Variants in CACNA1H observed in about 807,000 individuals in gnomAD.
CACNA1H encodes voltage-dependent T-type calcium channel subunit alpha-1H.
A neutral mutation model predicts 192.5 loss-of-function variants in CACNA1H; 149 were observed. The ratio of observed to expected loss-of-function variants is 0.77; its 90% CI spans 0.68 to 0.89. The LOEUF is 0.89. Ranked by LOEUF, CACNA1H falls within the 40% of genes least tolerant of loss-of-function variation. The pLI is 0.00. For missense variants in CACNA1H, 4,257 were observed against 3,423.5 expected (o/e 1.24, Z -6.08); for synonymous variants, 2,202 against 1,475.2 (o/e 1.49, Z -11.29).
rs1308768187 is a variant in CACNA1H at position 1,200,823 on chromosome 16, C to T, written c.1212+15C>T. The T allele has an allele frequency of 1.9e-6, 3 of 1,545,580 alleles. No individual in the cohort carries two copies. Among genetic ancestry groups the T allele is most frequent in the Admixed American group, 2.0e-5 (1 of 51,006 alleles). On this transcript the variant is annotated intron_variant, in intron 8 of 34. Transcript: ENST00000348261. ...TGCTCATCATCGTGAGTGTGGGCGG[C>T]AGTGTTCGCCATGATGGGCCCTGGT... is the stretch of plus-strand genomic sequence containing the variant.
intron 2 of CACNA1H, among the ~76,000 whole-genome samples, chr16:1,160,980 A>G (rs919615991): frequency 1.3e-5 from 2 of 152,068 alleles, no homozygotes; most frequent in Non-Finnish European, 2.9e-5. Context: ...AGTTGAGAGC[A>G]GGGCTGGCAG....
At chr16:1,162,516 G>A (rs1366979480) in intron 2 of CACNA1H, among the ~76,000 whole-genome samples, 1 of 152,186 alleles carries the variant, frequency 6.6e-6, no homozygotes, top group East Asian at 1.9e-4. Context: ...AGAGAGAGAG[G>A]ACGCTTAGCC....
At position 1,167,990 on chromosome 16, in the gene CACNA1H, C is replaced by T. The variant is rs1963968388; in HGVS notation, c.299+13954C>T. Among the ~76,000 whole-genome samples the T allele has an allele frequency of 1.3e-5, 2 of 152,178 alleles. No individual in the cohort carries two copies. Among genetic ancestry groups the T allele is most frequent in the South Asian group, 4.1e-4 (2 of 4,834 alleles). On this transcript the variant is annotated intron_variant, in intron 2 of 34. Transcript: ENST00000348261. The surrounding 1 kb of genome is among the most constrained non-coding windows in gnomAD (Gnocchi z 4.2). ...GGAGGCGGCCGCTTGTCCCCAAGGCCTGGTGACCGCACCTCTGTCTGCCCT... is the reference window on the plus strand; with the variant it reads ...GGAGGCGGCCGCTTGTCCCCAAGGCTTGGTGACCGCACCTCTGTCTGCCCT...
chr16:1,175,906 C>A lies in CACNA1H; in HGVS notation c.300-19066C>A, dbSNP rs1964836595. On this transcript the variant is annotated intron_variant, in intron 2 of 34. Transcript: ENST00000348261. ...GGGCTGCCATTCCTCCTGCCCGGAC[C>A]CCCAGTGCAGGCTCTGCAACAGCCT... 2.0e-5 allele frequency among the ~76,000 whole-genome samples: 3 copies of A among 152,256 alleles called. No individual in the cohort carries two copies. The South Asian group carries it at 6.2e-4, about 32-fold the overall frequency.
At chr16:1,156,266 G>A (rs1451695199) in intron 2 of CACNA1H, among the ~76,000 whole-genome samples, 1 of 152,256 alleles carries the variant, frequency 6.6e-6, no homozygotes, top group Non-Finnish European at 1.5e-5. Context: ...CCCAAGCTTG[G>A]TTCATTCTTG....
chr16:1,183,268 G>A (rs887573931), intron 2 of CACNA1H, among the ~76,000 whole-genome samples: 7 of 152,124 alleles, frequency 4.6e-5, no homozygotes, highest in Admixed American at 3.3e-4. Flanking sequence ...ATGGCGCCGC[G>A]TTCCCCCAGT....
chr16:1,213,632 T>C, intron 26 of CACNA1H, 148 bp from the exon 27 acceptor site: 1 of 531,950 alleles, frequency 1.9e-6, no homozygotes, highest in Non-Finnish European at 3.2e-6. Context: ...AGCCCTGCCA[T>C]GAGGCAGGGC....
chr16:1,185,197 G>A (rs1221581478), intron 2 of CACNA1H, among the ~76,000 whole-genome samples: 2 of 152,098 alleles, frequency 1.3e-5, no homozygotes, highest in African/African-American at 4.8e-5. Context: ...TCCTTTTCAT[G>A]GCTGAGTAAT....
intron 5 of CACNA1H, among the ~76,000 whole-genome samples, chr16:1,198,367 G>C (rs1967249765): frequency 6.6e-6 from 1 of 152,168 alleles, no homozygotes; most frequent in African/African-American, 2.4e-5. Flanking sequence ...TGGAGACCTG[G>C]CGCCCCGCTG....
At chr16:1,179,649 G>A (rs1284035780) in intron 2 of CACNA1H, among the ~76,000 whole-genome samples, 1 of 151,330 alleles carries the variant, frequency 6.6e-6, no homozygotes, top group Non-Finnish European at 1.5e-5. Context: ...GGCTGGTCTT[G>A]AACTCCTGAC....
At chr16:1,175,345 G>A (rs1401912813) in intron 2 of CACNA1H, among the ~76,000 whole-genome samples, 4 of 152,298 alleles carry the variant, frequency 2.6e-5, no homozygotes, top group East Asian at 3.9e-4. Flanking sequence ...CACCTTCCCC[G>A]CAGGTCCCTT....
At chr16:1,204,747 C>T (rs895980681) in intron 10 of CACNA1H, among the ~76,000 whole-genome samples, 8 of 136,644 alleles carry the variant, frequency 5.9e-5, no homozygotes, top group Admixed American at 3.6e-4. Flanking sequence ...CAAACCTGCT[C>T]CCAGATCAGT....
intron 25 of CACNA1H, 48 bp from the exon 26 acceptor site, chr16:1,212,463 C>G (rs59397926): frequency 5.1e-6 from 8 of 1,582,160 alleles, no homozygotes; most frequent in Non-Finnish European, 6.0e-6. Flanking sequence ...GCTCCAGGCC[C>G]GAGTGCGCCA....
chr16:1,220,053 G>A lies in CACNA1H; in HGVS notation c.6121G>A (p.Gly2041Ser). The A allele has an allele frequency of 7.0e-7, 1 of 1,429,464 alleles. No individual in the cohort carries two copies. Among genetic ancestry groups the A allele is most frequent in the African/African-American group, 1.5e-5 (1 of 67,022 alleles). The allele number at this position is 1,429,464 out of a possible 1,614,324, so 88.5% of individuals were successfully genotyped here. Residue 2041 changes from glycine (G) to serine (S), a missense_variant, in exon 35 of 35, where the codon GGT (glycine) becomes AGT (serine). Physicochemically the swap from Gly to Ser is moderately conservative, Grantham distance 56. Coordinates refer to ENST00000348261, the MANE Select transcript of CACNA1H (RefSeq NM_021098.3). ...GGACACCCTGGATCCTGCAGAGCCT[G>A]GTGAGAAAACCCCGGTGAGGCCGGT... ...PRDTLDPAEP[G>S]EKTPVRPVTQ...
intron 2 of CACNA1H, among the ~76,000 whole-genome samples, chr16:1,179,355 T>C (rs570269500): frequency 6.6e-6 from 1 of 152,148 alleles, no homozygotes; most frequent in East Asian, 1.9e-4. Flanking sequence ...CATCGGGGAT[T>C]GGGGGCCCCC....
rs547417643 is a variant in CACNA1H at position 1,167,855 on chromosome 16, T to A, written c.299+13819T>A. ...GGTTGGGGCGTGGCCTGGCCGTCCG[T>A]CCGCGGGGCCCGGGCTGCCCATGGC... is the stretch of plus-strand genomic sequence containing the variant. On this transcript the variant is annotated intron_variant, in intron 2 of 34. Coordinates refer to ENST00000348261, the MANE Select transcript of CACNA1H (RefSeq NM_021098.3). The surrounding 1 kb of genome is among the most constrained non-coding windows in gnomAD (Gnocchi z 4.2). Among the ~76,000 whole-genome samples, 14 of 152,094 alleles carry A rather than the reference T, an allele frequency of 9.2e-5. No homozygotes were observed. The highest frequency in any genetic ancestry group is 3.4e-4 in the African/African-American group (14 of 41,432).
intron 8 of CACNA1H, 51 bp downstream of exon 8, chr16:1,200,859 T>C (rs1967784856): frequency 1.9e-5 from 24 of 1,272,182 alleles, no homozygotes; most frequent in South Asian, 6.3e-5. Flanking sequence ...GTTAGCTGGC[T>C]GGGGGTGGGG....
At chr16:1,197,038 TCA>T (rs1193316811) in intron 5 of CACNA1H, among the ~76,000 whole-genome samples, 2 of 152,088 alleles carry the variant, frequency 1.3e-5, no homozygotes, top group African/African-American at 2.4e-5. Context: ...CCCCCCAAAG[TCA>T]CAGACCCCCA....
chr16:1,165,083 G>A (rs1243623597), intron 2 of CACNA1H, among the ~76,000 whole-genome samples: 1 of 152,200 alleles, frequency 6.6e-6, no homozygotes, highest in Non-Finnish European at 1.5e-5. Flanking sequence ...GGGCAAGGAG[G>A]GGGCTGATGG....
Sources: allele counts gnomAD v4.1 joint callset (sites outside exome capture counted in the v4.1 genomes callset), GRCh38; gene constraint gnomAD v4.1.1; non-coding constraint Gnocchi (gnomAD v3.1); transcripts MANE v1.5; gene names NCBI Gene and HGNC (gene_info 2026-07-23, HGNC 2026-07-21).